The following FBN2 variants were observed in gnomAD, a reference collection of about 807,000 sequenced individuals.
FBN2 encodes the protein fibrillin 2.
Under a neutral mutation model 355.6 loss-of-function variants are expected in FBN2, and 105 were observed. The observed-to-expected ratio is 0.30, with a 90% CI of 0.25 to 0.35. FBN2 has a LOEUF of 0.35. Ranked by LOEUF, FBN2 falls within the 10% of genes least tolerant of loss-of-function variation. FBN2 has a pLI of 1.00. For synonymous variants in FBN2, 1,350 were observed against 1,301.2 expected (o/e 1.04, Z -0.81); for missense variants, 3,280 against 3,758.7 (o/e 0.87, Z 3.33).
intron 20 of FBN2, 58 bp from the exon 21 acceptor site, chr5:128,351,063 C>G (rs1751343173): frequency 6.3e-7 from 1 of 1,596,936 alleles, no homozygotes; most frequent in African/African-American, 1.3e-5. Context: ...TAGAATTCAG[C>G]TGTGTACACA....
chr5:128,369,345 T>C lies in FBN2; in HGVS notation c.2096-11A>G, dbSNP rs747533977. ...TGCGCATGTGAGTATCTAAAGGAGA[T>C]ACAAAAACAATGACTTGAGGCAGTG... On this transcript the variant is annotated splice_polypyrimidine_tract_variant and intron_variant, in intron 15 of 64. Coordinates refer to ENST00000262464, the MANE Select transcript of FBN2 (RefSeq NM_001999.4). The C allele has an allele frequency of 6.2e-7, 1 of 1,613,912 alleles. No homozygotes were observed. Among genetic ancestry groups the C allele is most frequent in the South Asian group, 1.1e-5 (1 of 91,060 alleles).
chr5:128,418,773 G>C (rs368967124), intron 7 of FBN2, among the ~76,000 whole-genome samples: 2 of 152,256 alleles, frequency 1.3e-5, no homozygotes, highest in African/African-American at 4.8e-5. Flanking sequence ...GACTTGTTCT[G>C]TGACCTAACA....
chr5:128,291,447 C>G, intron 49 of FBN2, 82 bp downstream of exon 49: 2 of 1,489,190 alleles, frequency 1.3e-6, no homozygotes, highest in Non-Finnish European at 1.9e-6. Context: ...TTTGTTAGGA[C>G]TAATACCAGC....
chr5:128,286,351 T>C (rs1749144667), intron 55 of FBN2, among the ~76,000 whole-genome samples: 1 of 152,218 alleles, frequency 6.6e-6, no homozygotes, highest in Non-Finnish European at 1.5e-5. Flanking sequence ...TCAGACTAGT[T>C]ACTTCTAATC....
At chr5:128,458,948 C>A (rs1226059266) in intron 6 of FBN2, among the ~76,000 whole-genome samples, 1 of 150,882 alleles carries the variant, frequency 6.6e-6, no homozygotes, top group Non-Finnish European at 1.5e-5. Context: ...TACCTAAGAT[C>A]AGAGAAGAAT....
chr5:128,450,314 A>G (rs985996429), intron 6 of FBN2, among the ~76,000 whole-genome samples: 2 of 152,126 alleles, frequency 1.3e-5, no homozygotes, highest in South Asian at 4.1e-4. Context: ...AATGTAAAAG[A>G]AAGTTAAAAT....
intron 5 of FBN2, among the ~76,000 whole-genome samples, chr5:128,469,746 T>C (rs1754806883): frequency 6.6e-6 from 1 of 152,142 alleles, no homozygotes; most frequent in Non-Finnish European, 1.5e-5. Flanking sequence ...AATGTGTTAA[T>C]GTGGAAGATG....
intron 14 of FBN2, 90 bp from the exon 15 acceptor site, chr5:128,374,840 A>AC: frequency 7.4e-7 from 1 of 1,352,556 alleles, no homozygotes; most frequent in African/African-American, 1.4e-5. Context: ...TATACTACTA[A>AC]CCTTTTGTTT....
intron 7 of FBN2, among the ~76,000 whole-genome samples, chr5:128,424,656 T>A (rs923756053): frequency 2.6e-5 from 4 of 152,238 alleles, no homozygotes; most frequent in Non-Finnish European, 5.9e-5. Flanking sequence ...CTAAGGGAAC[T>A]TTTTAATTAA....
intron 5 of FBN2, among the ~76,000 whole-genome samples, chr5:128,493,658 TTAAC>T (rs1755571304): frequency 1.3e-5 from 2 of 152,156 alleles, no homozygotes; most frequent in African/African-American, 4.8e-5. Flanking sequence ...CAAAAATTCT[TTAAC>T]TGAGAAGAAT....
chr5:128,509,786 C>G (rs1456446400), intron 5 of FBN2, among the ~76,000 whole-genome samples: 1 of 152,112 alleles, frequency 6.6e-6, no homozygotes, highest in Non-Finnish European at 1.5e-5. Flanking sequence ...AGCATTTAGT[C>G]TATAGTTAAT....
chr5:128,308,349 T>C (rs1749941160), intron 41 of FBN2, among the ~76,000 whole-genome samples: 1 of 152,150 alleles, frequency 6.6e-6, no homozygotes, highest in Non-Finnish European at 1.5e-5. Flanking sequence ...AACATAATAA[T>C]GGCAAGATAA....
intron 3 of FBN2, 32 bp from the exon 4 acceptor site, chr5:128,527,999 C>T (rs1456128745): frequency 2.1e-6 from 3 of 1,396,628 alleles, no homozygotes; most frequent in East Asian, 4.6e-5. Flanking sequence ...AGTATAAAAA[C>T]ATCAGTCATC....
intron 64 of FBN2, among the ~76,000 whole-genome samples, chr5:128,260,963 T>C (rs924245005): frequency 6.6e-6 from 1 of 152,226 alleles, no homozygotes; most frequent in Admixed American, 6.5e-5. Flanking sequence ...TAATCATTCA[T>C]AGGAACTGAA....
intron 55 of FBN2, among the ~76,000 whole-genome samples, chr5:128,281,219 C>A (rs1444333775): frequency 6.6e-6 from 1 of 152,186 alleles, no homozygotes; most frequent in African/African-American, 2.4e-5. Context: ...GCAGTTTAAA[C>A]CACTTATATC....
chr5:128,291,322 T>C (rs910037077), intron 49 of FBN2, among the ~76,000 whole-genome samples: 1 of 152,164 alleles, frequency 6.6e-6, no homozygotes, highest in Non-Finnish European at 1.5e-5. Flanking sequence ...AGTAAAAAAA[T>C]TTATAAAAAT....
intron 61 of FBN2, among the ~76,000 whole-genome samples, chr5:128,273,115 C>T (rs185180644): frequency 6.6e-5 from 10 of 152,066 alleles, no homozygotes; most frequent in South Asian, 4.2e-4. Flanking sequence ...AATTGCAATA[C>T]GATATAAGAA....
At chr5:128,429,679 T>G (rs960631905) in intron 7 of FBN2, among the ~76,000 whole-genome samples, 107 of 152,340 alleles carry the variant, frequency 7.0e-4, no homozygotes, top group African/African-American at 2.5e-3. Flanking sequence ...TAATCAAATT[T>G]TACATTAATG....
In FBN2 at chr5:128,278,767, C is replaced by T. The variant is rs753865904; in HGVS notation, c.7213G>A (p.Val2405Ile). ...CQMASSSRNLVTKSECCCDGG... is the reference protein window; with the variant it reads ...CQMASSSRNLITKSECCCDGG... ...TCACAGCAGCATTCTGACTTAGTGACGAGATTGCGACTACTGGATGCCATT... is the reference window on the plus strand; with the variant it reads ...TCACAGCAGCATTCTGACTTAGTGATGAGATTGCGACTACTGGATGCCATT... The change falls in exon 57 of 65, where the codon GTC becomes ATC. Residue 2405 changes from valine to isoleucine, a missense_variant. By Grantham distance (29) the Val-to-Ile change is conservative. Transcript: ENST00000262464. 47 of 1,613,980 alleles carry T rather than the reference C, an allele frequency of 2.9e-5. No homozygotes were observed. Among genetic ancestry groups the T allele is most frequent in the East Asian group, 8.9e-5 (4 of 44,888 alleles).
Sources: gnomAD v4.1 joint callset for allele counts (sites outside exome capture counted in the v4.1 genomes callset) on GRCh38, gnomAD v4.1.1 for gene constraint, MANE v1.5 for transcripts, NCBI Gene and HGNC (gene_info 2026-07-23, HGNC 2026-07-21) for gene names.